TMEM39B: variants seen among roughly 807,000 people sequenced by gnomAD.
The protein encoded by TMEM39B is transmembrane protein 39B.
Under a neutral mutation model 52.2 loss-of-function variants are expected in TMEM39B, and 23 were observed. The ratio of observed to expected loss-of-function variants is 0.44; its 90% confidence interval spans 0.32 to 0.62. The LOEUF (loss-of-function observed/expected upper bound fraction) is 0.62. TMEM39B is among the 20% of genes least tolerant of loss of function. The pLI is 0.06. For missense variants in TMEM39B, 547 were observed against 642.0 expected (o/e 0.85, Z 1.60); for synonymous variants, 285 against 264.0 (o/e 1.08, Z -0.77).
intron 7 of TMEM39B, among the ~76,000 whole-genome samples, chr1:32,097,038 C>T (rs777372772): frequency 2.0e-5 from 3 of 152,024 alleles, no homozygotes; most frequent in Non-Finnish European, 1.5e-5. Context: ...CTTATGGGCT[C>T]GAGCGATCCA....
Position 32,094,935 on chromosome 1 carries a change from T to C in TMEM39B, c.1079T>C (p.Val360Ala), listed in dbSNP as rs746917865. 1 of 1,613,792 alleles carries C rather than the reference T, an allele frequency of 6.2e-7. No individual in the cohort carries two copies. Among genetic ancestry groups the C allele is most frequent in the South Asian group, 1.1e-5 (1 of 91,090 alleles). ...GCCCATCTGGGCTGTTGGCAGAAGG[T>C]GGACCCAGCGCTGTGCTCCAACGTG... ...AAAHLGCWQKVDPALCSNVLQ... is the reference protein window; with the variant it reads ...AAAHLGCWQKADPALCSNVLQ... The change falls in exon 7 of 9, where the codon GTG (valine) becomes GCG (alanine). Residue 360 changes from valine (V) to alanine (A), a missense_variant. Transcript: ENST00000336294.
At position 32,102,691 on chromosome 1, in the gene TMEM39B, G is replaced by A. The variant is rs185057964; in HGVS notation, c.*18G>A. 5.6e-5 allele frequency: 84 copies of A among 1,497,966 alleles called. No individual in the cohort carries two copies. In the African/African-American group the frequency reaches 1.1e-3, roughly 19 times the overall value. 92.8% of individuals were successfully genotyped at this position (1,497,966 alleles called of 1,614,324 possible). On this transcript the variant is annotated 3_prime_UTR_variant, in exon 9 of 9. Coordinates refer to ENST00000336294, the MANE Select transcript of TMEM39B (RefSeq NM_018056.4). Reference sequence around the variant, plus strand: ...TCTCCTGAGCCCTGGGGTCACCTCAGGGACAGCGTCCAGGCTTCAGCCAAG... The same window carrying A: ...TCTCCTGAGCCCTGGGGTCACCTCAAGGACAGCGTCCAGGCTTCAGCCAAG...
chr1:32,095,079 C>T (rs557725180), intron 7 of TMEM39B, 108 bp downstream of exon 7: 14 of 1,315,766 alleles, frequency 1.1e-5, no homozygotes, highest in Middle Eastern at 2.5e-4. Flanking sequence ...AGTTATTGAG[C>T]GTGTCTTGTA....
intron 3 of TMEM39B, chr1:32,076,517 T>C (rs2124427661): frequency 1.5e-6 from 1 of 651,794 alleles, no homozygotes; most frequent in Non-Finnish European, 2.8e-6. Context: ...GACAGGGGCA[T>C]GTGTGAGCAG....
Position 32,086,085 on chromosome 1 carries a change from G to A in TMEM39B, c.591-5590G>A, listed in dbSNP as rs12567063. Among the ~76,000 whole-genome samples the A allele has an allele frequency of 1.8e-3, 267 of 152,134 alleles. 7 individuals are homozygous for A. In the East Asian group the frequency reaches 0.039, roughly 22 times the overall value. On this transcript the variant is annotated intron_variant, in intron 5 of 8. Coordinates refer to ENST00000336294, the MANE Select transcript of TMEM39B (RefSeq NM_018056.4). ...GGTGGGGGTGTTACTCTAAGATATC[G>A]CCATTAGAGACCTCAATTCTCAGTT...
intron 8 of TMEM39B, chr1:32,100,848 T>A: frequency 2.7e-6 from 1 of 365,230 alleles, no homozygotes; most frequent in Middle Eastern, 4.2e-4. Flanking sequence ...CTGGTCAACA[T>A]GGTGAAACCT....
At chr1:32,090,928 C>T (rs1023414254) in intron 5 of TMEM39B, among the ~76,000 whole-genome samples, 10 of 152,136 alleles carry the variant, frequency 6.6e-5, no homozygotes, top group African/African-American at 2.4e-4. Flanking sequence ...GCGTGAGCCA[C>T]TGCGCCTGGC....
intron 5 of TMEM39B, among the ~76,000 whole-genome samples, chr1:32,082,211 T>G (rs1241150024): frequency 1.3e-5 from 2 of 152,130 alleles, no homozygotes; most frequent in African/African-American, 4.8e-5. Flanking sequence ...TCTTTTCACT[T>G]CCTGGCAGCT....
rs746806785 is a variant in TMEM39B, at chr1:32,089,131, A to ATT, written c.591-2521_591-2520dup. Among the ~76,000 whole-genome samples, 120 of 130,192 alleles carry ATT rather than the reference A, an allele frequency of 9.2e-4. 1 individual carries two copies. Among genetic ancestry groups the ATT allele is most frequent in the Middle Eastern group, 3.9e-3 (1 of 254 alleles). 85.4% of individuals were successfully genotyped at this position (130,192 alleles called of 152,430 possible). ...GAGCTAGTAAGTGGCAGAGCTGGGA[A>ATT]TTTTTTTTTTTTTTTTTTTTTTTTA... On this transcript the variant is annotated intron_variant, in intron 5 of 8. Transcript: ENST00000336294.
chr1:32,102,538 G>A lies in TMEM39B; in HGVS notation c.1344G>A (p.Gln448=). ...YSLMSSEKWH[Q]TISLALILFS... ...TAATGTCCTCTGAAAAGTGGCACCA[G>A]ACCATCTCGCTGGCCCTCATCCTCT... Residue 448 remains glutamine, a synonymous_variant, in exon 9 of 9, where the codon CAG becomes CAA. Transcript: ENST00000336294. 6.2e-7 allele frequency: 1 copy of A among 1,614,174 alleles called. No individual in the cohort carries two copies. The highest frequency in any genetic ancestry group is 1.3e-5 in the African/African-American group (1 of 75,032).
At chr1:32,095,373 A>G (rs1288663146) in intron 7 of TMEM39B, among the ~76,000 whole-genome samples, 1 of 152,192 alleles carries the variant, frequency 6.6e-6, no homozygotes, top group Non-Finnish European at 1.5e-5. Context: ...TGTGCCAGGC[A>G]AAAGAGCTTG....
rs775752400 is a variant in TMEM39B, at chr1:32,100,542, G to A, written c.1216G>A (p.Val406Ile). 25 of 1,613,990 alleles carry A rather than the reference G, an allele frequency of 1.5e-5. No homozygotes were observed. The highest frequency in any genetic ancestry group is 2.7e-5 in the African/African-American group (2 of 74,922). ...GHYNVAIPSD[V>I]SHFRFHFFFS... ...CTACAACGTGGCTATCCCCTCTGAC[G>A]TCTCCCACTTCCGCTTCCATGTGAG... The change falls in exon 8 of 9, where the codon GTC becomes ATC. Residue 406 changes from valine (V) to isoleucine (I), a missense_variant. Coordinates refer to ENST00000336294, the MANE Select transcript of TMEM39B (RefSeq NM_018056.4).
chr1:32,094,136 T>TG (rs1364456912), intron 6 of TMEM39B, among the ~76,000 whole-genome samples: 1 of 118,434 alleles, frequency 8.4e-6, no homozygotes, highest in Non-Finnish European at 1.7e-5. Context: ...TTTTTTTTTT[T>TG]TTTTTTTTGA....
chr1:32,101,161 T>C (rs1178231862), intron 8 of TMEM39B, among the ~76,000 whole-genome samples: 1 of 152,208 alleles, frequency 6.6e-6, no homozygotes, highest in Non-Finnish European at 1.5e-5. Context: ...CTTCATTTGT[T>C]ACTGTGTGCC....
chr1:32,095,138 CAT>C lies in TMEM39B; in HGVS notation c.1115+168_1115+169del, dbSNP rs3831939. On this transcript the variant is annotated intron_variant, in intron 7 of 8. Coordinates refer to ENST00000336294, the MANE Select transcript of TMEM39B (RefSeq NM_018056.4). ...GTGGGGTATGGTGGGGCCTGACACA[CAT>C]GTTCCCTATCCTTGGGTAACTTGCA... Among the ~76,000 whole-genome samples the C allele has an allele frequency of 1.9e-4, 29 of 152,314 alleles. No individual in the cohort carries two copies. In the East Asian group the frequency reaches 5.6e-3, roughly 29 times the overall value.
At chr1:32,074,906 A>C (rs1557908734) in intron 1 of TMEM39B, 45 bp from the exon 2 acceptor site, 2 of 1,526,856 alleles carry the variant, frequency 1.3e-6, no homozygotes. Flanking sequence ...TATCCTTGAT[A>C]TATGCCCCCT....
chr1:32,075,126 T>G (rs1278265670), intron 2 of TMEM39B, 49 bp downstream of exon 2: 1 of 1,523,732 alleles, frequency 6.6e-7, no homozygotes, highest in Non-Finnish European at 8.8e-7. Context: ...ACAGGGACGA[T>G]GTGGACAGGG....
intron 5 of TMEM39B, among the ~76,000 whole-genome samples, chr1:32,090,788 C>T (rs1179184039): frequency 2.6e-5 from 4 of 152,046 alleles, no homozygotes; most frequent in Admixed American, 6.6e-5. Context: ...TACAGGCGCC[C>T]GCCACCACGC....
chr1:32,098,150 C>G (rs12116934), intron 7 of TMEM39B, among the ~76,000 whole-genome samples: 9,647 of 151,876 alleles, frequency 0.064, 391 homozygotes, highest in Non-Finnish European at 0.095. Context: ...GCCTGTGTCA[C>G]CATGCCCCGC....
Sources: allele counts gnomAD v4.1 joint callset (sites outside exome capture counted in the v4.1 genomes callset), GRCh38; gene constraint gnomAD v4.1.1; transcripts MANE v1.5; gene names NCBI Gene and HGNC (gene_info 2026-07-23, HGNC 2026-07-21).